EIF2B3: variants seen among roughly 807,000 people sequenced by gnomAD.
EIF2B3 encodes the protein translation initiation factor eIF2B subunit gamma.
In EIF2B3, 20 loss-of-function variants were observed where a neutral mutation model predicts 54.1. That is an observed-to-expected ratio of 0.37 (90% CI 0.26 to 0.54). The LOEUF (loss-of-function observed/expected upper bound fraction) is 0.54. Among genes scored for constraint, EIF2B3 ranks in the 20% least tolerant of loss-of-function variants. The probability of loss-of-function intolerance (pLI) is 0.86; values close to 1 mark genes in which losing one functional copy is unlikely to be tolerated. For missense variants in EIF2B3, 448 were observed against 547.8 expected (o/e 0.82, Z 1.82); for synonymous variants, 153 against 188.1 (o/e 0.81, Z 1.52).
At chr1:44,892,804 A>ATT (rs1375485516) in intron 6 of EIF2B3, among the ~76,000 whole-genome samples, 2 of 152,188 alleles carry the variant, frequency 1.3e-5, no homozygotes, top group African/African-American at 4.8e-5. Flanking sequence ...GAAGGTGTGT[A>ATT]AGTCACATAC....
chr1:44,938,798 AAAAG>A (rs1403332312), intron 4 of EIF2B3, among the ~76,000 whole-genome samples: 3 of 151,982 alleles, frequency 2.0e-5, no homozygotes, highest in African/African-American at 7.3e-5. Context: ...TATCTTTTTA[AAAAG>A]AAAGAAAGAA....
intron 3 of EIF2B3, among the ~76,000 whole-genome samples, chr1:44,955,223 C>T (rs1014231768): frequency 2.0e-5 from 3 of 152,100 alleles, no homozygotes; most frequent in Admixed American, 6.6e-5. Context: ...CATCTACAAC[C>T]ATATGATCTT....
intron 6 of EIF2B3, among the ~76,000 whole-genome samples, chr1:44,886,473 A>T (rs1655588583): frequency 6.6e-6 from 1 of 152,260 alleles, no homozygotes. Context: ...TGTTCACAAT[A>T]GTTATCTCAC....
chr1:44,921,972 T>C (rs1482611099), intron 5 of EIF2B3, among the ~76,000 whole-genome samples: 4 of 151,472 alleles, frequency 2.6e-5, no homozygotes, highest in Non-Finnish European at 4.4e-5. Flanking sequence ...TGGAGTGCAA[T>C]GGCGCAATCT....
At chr1:44,889,848 G>A (rs1169490589) in intron 6 of EIF2B3, among the ~76,000 whole-genome samples, 1 of 152,052 alleles carries the variant, frequency 6.6e-6, no homozygotes, top group Non-Finnish European at 1.5e-5. Context: ...AATTAAAAGT[G>A]GATATTCAAG....
At chr1:44,977,649 G>A (rs1644466634) in intron 3 of EIF2B3, among the ~76,000 whole-genome samples, 1 of 152,188 alleles carries the variant, frequency 6.6e-6, no homozygotes, top group African/African-American at 2.4e-5. Flanking sequence ...CTTTTTAGTA[G>A]AGACAGGGTC....
At chr1:44,973,170 G>A (rs1170958649) in intron 3 of EIF2B3, among the ~76,000 whole-genome samples, 1 of 152,166 alleles carries the variant, frequency 6.6e-6, no homozygotes, top group South Asian at 2.1e-4. Flanking sequence ...CACAGAAATA[G>A]CATATAATCC....
chr1:44,856,948 G>A (rs1211551674), intron 11 of EIF2B3, among the ~76,000 whole-genome samples: 1 of 152,086 alleles, frequency 6.6e-6, no homozygotes, highest in African/African-American at 2.4e-5. Context: ...GGGACAACAC[G>A]TGTGTGCCAC....
chr1:44,861,780 C>A (rs577709272), intron 10 of EIF2B3, among the ~76,000 whole-genome samples: 2 of 152,258 alleles, frequency 1.3e-5, no homozygotes, highest in African/African-American at 4.8e-5. Context: ...TCTCCTGAGG[C>A]TCCTGGTAAG....
chr1:44,888,601 C>T (rs926881496), intron 6 of EIF2B3, among the ~76,000 whole-genome samples: 7 of 152,026 alleles, frequency 4.6e-5, no homozygotes, highest in Non-Finnish European at 8.8e-5. Flanking sequence ...TAAGTTGTAA[C>T]GAATCTAATG....
chr1:44,912,282 C>T (rs2148923012), intron 5 of EIF2B3, among the ~76,000 whole-genome samples: 1 of 152,272 alleles, frequency 6.6e-6, no homozygotes, highest in Non-Finnish European at 1.5e-5. Flanking sequence ...AATTAGTTTT[C>T]CTTTCTGTAT....
chr1:44,930,094 T>C (rs1405503082), intron 4 of EIF2B3, among the ~76,000 whole-genome samples: 1 of 152,228 alleles, frequency 6.6e-6, no homozygotes, highest in Non-Finnish European at 1.5e-5. Flanking sequence ...TTTTCCCTAG[T>C]TGATTTTTAC....
At chr1:44,886,800 G>A (rs968024435) in intron 6 of EIF2B3, among the ~76,000 whole-genome samples, 1 of 152,186 alleles carries the variant, frequency 6.6e-6, no homozygotes, top group Admixed American at 6.5e-5. Flanking sequence ...TCTAAAAATT[G>A]TCAAATGCCT....
intron 10 of EIF2B3, among the ~76,000 whole-genome samples, chr1:44,860,269 C>T (rs1654568403): frequency 6.6e-6 from 1 of 152,114 alleles, no homozygotes; most frequent in South Asian, 2.1e-4. Context: ...CCTGCTTCAG[C>T]CCCCCAAGTA....
At chr1:44,982,549 C>T (rs887213664) in intron 1 of EIF2B3, among the ~76,000 whole-genome samples, 7 of 152,110 alleles carry the variant, frequency 4.6e-5, no homozygotes, top group South Asian at 2.1e-4. Context: ...CCACCGGAGT[C>T]GGCCTCCCAA....
intron 3 of EIF2B3, among the ~76,000 whole-genome samples, chr1:44,961,885 C>G (rs1644288323): frequency 1.3e-5 from 2 of 152,026 alleles, no homozygotes; most frequent in Non-Finnish European, 2.9e-5. Context: ...ATCACCCTAC[C>G]TTATCACAAA....
intron 1 of EIF2B3, among the ~76,000 whole-genome samples, chr1:44,984,004 G>A (rs1454126624): frequency 2.0e-5 from 3 of 150,566 alleles, no homozygotes; most frequent in African/African-American, 7.3e-5. Flanking sequence ...CACTGCGCCC[G>A]GCCTCTACCA....
intron 3 of EIF2B3, among the ~76,000 whole-genome samples, chr1:44,961,316 CAA>C (rs752610849): frequency 3.1e-4 from 25 of 81,610 alleles, no homozygotes; most frequent in African/African-American, 6.3e-4. Context: ...GACCCTGTCT[CAA>C]AAAAAAAAAA....
chr1:44,931,828 T>C (rs1468225532), intron 4 of EIF2B3, among the ~76,000 whole-genome samples: 1 of 152,216 alleles, frequency 6.6e-6, no homozygotes, highest in Non-Finnish European at 1.5e-5. Context: ...TATAAAAATG[T>C]ATAGTACGCT....
Sources: gnomAD v4.1 joint callset for allele counts (sites outside exome capture counted in the v4.1 genomes callset) on GRCh38, gnomAD v4.1.1 for gene constraint, MANE v1.5 for transcripts, NCBI Gene and HGNC (gene_info 2026-07-23, HGNC 2026-07-21) for gene names.